Variants in NDUFAF6 observed in about 807,000 individuals in gnomAD.
NDUFAF6 encodes the protein NADH:ubiquinone oxidoreductase complex assembly factor 6.
A neutral mutation model predicts 40.8 loss-of-function variants in NDUFAF6; 45 were observed. The observed-to-expected ratio is 1.10, with a 90% CI of 0.87 to 1.42. The LOEUF is 1.42. NDUFAF6 is among the 40% of genes most tolerant of loss of function. The pLI is 0.00. For missense variants in NDUFAF6, 435 were observed against 418.5 expected (o/e 1.04, Z -0.34); for synonymous variants, 185 against 155.9 (o/e 1.19, Z -1.39).
chr8:95,095,522 G>A (rs1305597568), upstream of NDUFAF6, among the ~76,000 whole-genome samples: 1 of 152,130 alleles, frequency 6.6e-6, no homozygotes, highest in African/African-American at 2.4e-5. Context: ...TGTCCCCCAA[G>A]ACTTTCTTGT....
chr8:94,948,445 C>T (rs1411657866), intron 2 of NDUFAF6, among the ~76,000 whole-genome samples: 2 of 152,190 alleles, frequency 1.3e-5, no homozygotes, highest in Non-Finnish European at 2.9e-5. Flanking sequence ...ATGTTAAGGG[C>T]CAAGGAGAGC....
At chr8:95,062,092 G>A (rs188233351), downstream of NDUFAF6, among the ~76,000 whole-genome samples, 549 of 152,022 alleles carry the variant, frequency 3.6e-3, 3 homozygotes, top group African/African-American at 0.013. Flanking sequence ...AGGAGGTGGA[G>A]GTTGCAGTGA....
chr8:95,052,022 C>T, intron 7 of NDUFAF6, 152 bp from the exon 8 acceptor site: 2 of 734,578 alleles, frequency 2.7e-6, no homozygotes, highest in Non-Finnish European at 4.8e-6. Flanking sequence ...TCCTTTAGGC[C>T]TAGGAAACTA....
At chr8:94,917,821 C>G (rs2131255650) in intron 1 of NDUFAF6, among the ~76,000 whole-genome samples, 1 of 152,240 alleles carries the variant, frequency 6.6e-6, no homozygotes, top group Admixed American at 6.5e-5. Context: ...ACAAGATGTA[C>G]AAGTGATAAT....
chr8:95,090,625 C>T (rs1809218261), intron 2 of NDUFAF6, among the ~76,000 whole-genome samples: 1 of 152,104 alleles, frequency 6.6e-6, no homozygotes, highest in African/African-American at 2.4e-5. Flanking sequence ...TTGTTTAATA[C>T]TAGGAGGGTG....
chr8:94,948,959 G>C (rs1045873399), intron 2 of NDUFAF6, among the ~76,000 whole-genome samples: 3 of 150,742 alleles, frequency 2.0e-5, no homozygotes, highest in African/African-American at 4.8e-5. Context: ...GCCGAGGACC[G>C]ACCCACTGGG....
At chr8:95,010,117 T>G (rs1409500626) in intron 2 of NDUFAF6, among the ~76,000 whole-genome samples, 4 of 152,078 alleles carry the variant, frequency 2.6e-5, no homozygotes, top group Non-Finnish European at 5.9e-5. Context: ...GAGATGGAGT[T>G]TCACTCTGTC....
At position 94,949,724 on chromosome 8, in the gene NDUFAF6, A is replaced by C. The variant is rs189233642; in HGVS notation, c.-799+4105A>C. Among the ~76,000 whole-genome samples, 1,477 of 152,236 alleles carry C rather than the reference A, an allele frequency of 9.7e-3. 33 individuals are homozygous for C. The highest frequency in any genetic ancestry group is 0.033 in the African/African-American group (1,365 of 41,556). On this transcript the variant is annotated intron_variant, in intron 2 of 14. Coordinates refer to the NDUFAF6 transcript ENST00000396113. ...AGAACCGGCGGGCAACGGGAAGGGCAGAGGTGGATCTCTCCCTCAGCGACC... is the reference window on the plus strand; with the variant it reads ...AGAACCGGCGGGCAACGGGAAGGGCCGAGGTGGATCTCTCCCTCAGCGACC...
At chr8:95,084,748 C>T (rs1461405334) in intron 2 of NDUFAF6, among the ~76,000 whole-genome samples, 1 of 152,170 alleles carries the variant, frequency 6.6e-6, no homozygotes, top group Non-Finnish European at 1.5e-5. Flanking sequence ...ATGTGTCCTA[C>T]CTAGACAGGG....
chr8:94,955,050 T>C (rs1483713247), upstream of NDUFAF6, among the ~76,000 whole-genome samples: 1 of 152,176 alleles, frequency 6.6e-6, no homozygotes, highest in African/African-American at 2.4e-5. Flanking sequence ...ATGGGGACAG[T>C]TGCTTATCTT....
chr8:94,930,647 T>C, intron 1 of NDUFAF6: 1 of 1,614,236 alleles, frequency 6.2e-7, no homozygotes, highest in Non-Finnish European at 8.5e-7. Context: ...AGCTCTTGGG[T>C]TGTTCCAGAA....
chr8:95,084,434 T>C (rs918611169), intron 2 of NDUFAF6, among the ~76,000 whole-genome samples: 3 of 152,242 alleles, frequency 2.0e-5, no homozygotes, highest in African/African-American at 7.2e-5. Flanking sequence ...TGCCTCATCA[T>C]ATTTTTTAAA....
chr8:95,108,969 C>T (rs1296533578), intron 4 of NDUFAF6, among the ~76,000 whole-genome samples: 1 of 152,094 alleles, frequency 6.6e-6, no homozygotes, highest in African/African-American at 2.4e-5. Context: ...GATGTAGCAA[C>T]ATTTTAATCA....
At chr8:95,076,703 G>A (rs749928839), downstream of NDUFAF6, among the ~76,000 whole-genome samples, 24 of 151,962 alleles carry the variant, frequency 1.6e-4, no homozygotes, top group South Asian at 4.2e-4. Context: ...GAGAAACCCC[G>A]TCTCTACTAA....
chr8:94,902,962 A>G (rs906121521), intron 1 of NDUFAF6, among the ~76,000 whole-genome samples: 1 of 152,202 alleles, frequency 6.6e-6, no homozygotes, highest in South Asian at 2.1e-4. Flanking sequence ...CCTCGGCCTC[A>G]AAGTGCTGGG....
downstream of NDUFAF6, among the ~76,000 whole-genome samples, chr8:95,060,195 A>T (rs1048029387): frequency 1.3e-5 from 2 of 152,198 alleles, no homozygotes; most frequent in African/African-American, 4.8e-5. Context: ...TGGAGTCTTT[A>T]TCAGTGAAAT....
At chr8:95,007,835 C>T (rs543920963) in intron 2 of NDUFAF6, among the ~76,000 whole-genome samples, 1 of 152,046 alleles carries the variant, frequency 6.6e-6, no homozygotes, top group South Asian at 2.1e-4. Flanking sequence ...AGCGATTCTC[C>T]CAACTCAGCC....
intron 1 of NDUFAF6, among the ~76,000 whole-genome samples, chr8:94,915,483 A>T (rs1038644224): frequency 1.3e-5 from 2 of 152,222 alleles, no homozygotes; most frequent in African/African-American, 4.8e-5. Flanking sequence ...ACGGTCATCT[A>T]GACTGATTCT....
chr8:94,982,917 C>T (rs1360749274), intron 2 of NDUFAF6, among the ~76,000 whole-genome samples: 1 of 152,216 alleles, frequency 6.6e-6, no homozygotes, highest in East Asian at 1.9e-4. Flanking sequence ...ACAGAATGTG[C>T]ATGTTCGTTA....
Sources: gnomAD v4.1 joint callset for allele counts (sites outside exome capture counted in the v4.1 genomes callset) on GRCh38, gnomAD v4.1.1 for gene constraint, MANE v1.5 for transcripts, NCBI Gene and HGNC (gene_info 2026-07-23, HGNC 2026-07-21) for gene names.